Variants in WASL observed in about 807,000 individuals in gnomAD.
WASL encodes actin nucleation-promoting factor WASL.
A neutral mutation model predicts 55.5 loss-of-function variants in WASL; 20 were observed. That is an observed-to-expected ratio of 0.36 (90% CI 0.25 to 0.52). The LOEUF is 0.52. WASL is among the 20% of genes least tolerant of loss of function. The pLI, the probability that WASL is intolerant of heterozygous loss-of-function variation, is 0.92. For synonymous variants in WASL, 249 were observed against 217.6 expected, an observed-to-expected ratio of 1.14 and a Z score of -1.27; for missense variants, 504 against 622.5, an observed-to-expected ratio of 0.81 and a Z score of 2.03.
intron 1 of WASL, among the ~76,000 whole-genome samples, chr7:123,742,268 GT>G (rs1410934602): frequency 6.6e-6 from 1 of 152,182 alleles, no homozygotes; most frequent in East Asian, 1.9e-4. Context: ...TTTCAGAAAA[GT>G]TCTGTCAAAG....
chr7:123,694,576 G>T lies in WASL; in HGVS notation c.826+139C>A, dbSNP rs183318611. ...ATGAAATAATGTTAAGACACAGTGT[G>T]ATGGGCCACATTAGTTGTCCATAGA... is the stretch of plus-strand genomic sequence containing the variant. On this transcript the variant is annotated intron_variant, in intron 8 of 10. Transcript: ENST00000223023. 5 of 756,260 alleles carry T rather than the reference G, an allele frequency of 6.6e-6. No homozygotes were observed. The Admixed American group carries it at 1.0e-4, about 15-fold the overall frequency. 46.8% of individuals were successfully genotyped at this position (756,260 alleles called of 1,614,324 possible). A position where few individuals can be genotyped will look rare whatever the true frequency, so the allele number is the denominator to read the frequency against.
At position 123,729,849 on chromosome 7, in the gene WASL, T is replaced by C. The variant is rs1432611171; in HGVS notation, c.117+18769A>G. On this transcript the variant is annotated intron_variant, in intron 1 of 10. Transcript: ENST00000223023. ...AAGTTAAAAGCTTCTCAAACTTTCTTAGGTCTTTCTCAAAAATAGGAAAAA... is the reference window on the plus strand; with the variant it reads ...AAGTTAAAAGCTTCTCAAACTTTCTCAGGTCTTTCTCAAAAATAGGAAAAA... Among the ~76,000 whole-genome samples the C allele has an allele frequency of 2.0e-5, 3 of 152,166 alleles. No homozygotes were observed. The East Asian group carries it at 5.8e-4, about 29-fold the overall frequency.
At chr7:123,695,154 CTAAG>C (rs563025580) in intron 7 of WASL, among the ~76,000 whole-genome samples, 21 of 152,088 alleles carry the variant, frequency 1.4e-4, no homozygotes, top group East Asian at 9.6e-4. Flanking sequence ...CTACCTTGTC[CTAAG>C]TAAGTATGTA....
Position 123,694,723 on chromosome 7 carries a change from C to T in WASL, c.818G>A (p.Arg273Gln), listed in dbSNP as rs1584857173. ...GGVEAVKNEL[R>Q]RQAPPPPPPS... ...ATAGAGATAAAAGTTACCTTGCCTC[C>T]GCAGTTCATTTTTAACAGCTTCAAC... Residue 273 changes from arginine to glutamine, a missense_variant, in exon 8 of 11, where the codon CGG becomes CAG. Coordinates refer to ENST00000223023, the MANE Select transcript of WASL (RefSeq NM_003941.4). 6.2e-7 allele frequency: 1 copy of T among 1,612,388 alleles called. No homozygotes were observed. Among genetic ancestry groups the T allele is most frequent in the Non-Finnish European group, 8.5e-7 (1 of 1,179,358 alleles).
chr7:123,728,531 G>A (rs1463669354), intron 1 of WASL, among the ~76,000 whole-genome samples: 1 of 152,080 alleles, frequency 6.6e-6, no homozygotes, highest in Non-Finnish European at 1.5e-5. Context: ...CTACTGACAA[G>A]AAACAAGGTC....
intron 1 of WASL, among the ~76,000 whole-genome samples, chr7:123,718,450 A>C (rs1803881879): frequency 6.6e-6 from 1 of 152,238 alleles, no homozygotes; most frequent in Non-Finnish European, 1.5e-5. Context: ...AAGAAAACTA[A>C]AGCCAAGCAA....
chr7:123,712,645 T>G (rs1388588194), intron 1 of WASL, among the ~76,000 whole-genome samples: 4 of 152,190 alleles, frequency 2.6e-5, no homozygotes, highest in African/African-American at 9.7e-5. Context: ...GCACGAATGA[T>G]TCATTAAAAT....
chr7:123,684,606 A>G, intron 10 of WASL, 26 bp from the exon 11 acceptor site: 1 of 1,495,016 alleles, frequency 6.7e-7, no homozygotes, highest in South Asian at 1.3e-5. Context: ...GACAATTAAA[A>G]CATATGCATA....
chr7:123,744,688 T>C (rs1804401415), intron 1 of WASL, among the ~76,000 whole-genome samples: 1 of 152,196 alleles, frequency 6.6e-6, no homozygotes, highest in African/African-American at 2.4e-5. Context: ...TTTAATGTTT[T>C]ATTTTTTCCT....
intron 5 of WASL, among the ~76,000 whole-genome samples, chr7:123,704,065 T>TA (rs1206301227): frequency 6.6e-6 from 1 of 152,152 alleles, no homozygotes; most frequent in African/African-American, 2.4e-5. Flanking sequence ...CAATGTTTTT[T>TA]AAAAAATGAA....
At chr7:123,703,476 T>C (rs1364718094) in intron 5 of WASL, among the ~76,000 whole-genome samples, 1 of 152,174 alleles carries the variant, frequency 6.6e-6, no homozygotes, top group Non-Finnish European at 1.5e-5. Context: ...ATGCTAAGCT[T>C]TGATTACTTC....
intron 1 of WASL, among the ~76,000 whole-genome samples, chr7:123,740,438 T>C (rs763957699): frequency 4.0e-5 from 6 of 149,496 alleles, no homozygotes; most frequent in Non-Finnish European, 8.9e-5. Context: ...ACTACTAACA[T>C]AGATGCAATA....
intron 7 of WASL, 116 bp from the exon 8 acceptor site, chr7:123,694,984 ATTAC>A (rs1803469214): frequency 1.0e-6 from 1 of 986,128 alleles, no homozygotes; most frequent in Non-Finnish European, 1.5e-6. Context: ...ACATGCTTAT[ATTAC>A]TTATGTGCTA....
At chr7:123,735,788 G>T (rs1804218918) in intron 1 of WASL, among the ~76,000 whole-genome samples, 1 of 152,030 alleles carries the variant, frequency 6.6e-6, no homozygotes, top group Non-Finnish European at 1.5e-5. Context: ...GGAGGACAGG[G>T]AGGAAAAAAT....
chr7:123,739,381 CCT>C (rs1804291149), intron 1 of WASL, among the ~76,000 whole-genome samples: 2 of 152,336 alleles, frequency 1.3e-5, no homozygotes, highest in Non-Finnish European at 2.9e-5. Flanking sequence ...TTACACATTT[CCT>C]GATATAAACA....
intron 1 of WASL, among the ~76,000 whole-genome samples, chr7:123,745,716 C>G (rs2116831328): frequency 6.6e-6 from 1 of 152,046 alleles, no homozygotes; most frequent in South Asian, 2.1e-4. Context: ...TAGGCATATG[C>G]ATTTCTCATA....
intron 10 of WASL, 94 bp downstream of exon 10, chr7:123,688,948 T>C (rs1284553241): frequency 2.7e-6 from 3 of 1,107,648 alleles, no homozygotes; most frequent in African/African-American, 3.1e-5. Flanking sequence ...AAGACAGTCA[T>C]AAAAATAACA....
At chr7:123,686,115 G>C (rs911684187) in intron 10 of WASL, among the ~76,000 whole-genome samples, 4 of 151,304 alleles carry the variant, frequency 2.6e-5, no homozygotes, top group Non-Finnish European at 4.4e-5. Context: ...ATTAGAACTT[G>C]AAAATTAACA....
At chr7:123,691,462 T>C (rs534404348) in intron 9 of WASL, among the ~76,000 whole-genome samples, 50 of 152,280 alleles carry the variant, frequency 3.3e-4, no homozygotes, top group African/African-American at 1.0e-3. Context: ...AATAAGAGTA[T>C]TTTTGATATG....
Sources: gnomAD v4.1 joint callset for allele counts (sites outside exome capture counted in the v4.1 genomes callset) on GRCh38, gnomAD v4.1.1 for gene constraint, MANE v1.5 for transcripts, NCBI Gene and HGNC (gene_info 2026-07-23, HGNC 2026-07-21) for gene names.